The following TRIM5 variants were observed in gnomAD, a reference collection of about 807,000 sequenced individuals.
TRIM5 encodes the protein tripartite motif-containing protein 5.
A neutral mutation model predicts 35.6 loss-of-function variants in TRIM5; 31 were observed. The observed-to-expected ratio is 0.87, with a 90% CI of 0.65 to 1.18. TRIM5 has a LOEUF of 1.18. TRIM5 is among the 50% of genes most tolerant of loss of function. The pLI, the probability that TRIM5 is intolerant of heterozygous loss-of-function variation, is 0.00. For missense variants in TRIM5, 609 were observed against 591.6 expected (o/e 1.03, Z -0.31); for synonymous variants, 243 against 215.6 (o/e 1.13, Z -1.11).
At chr11:5,596,768 A>T in the TRIM5 span, 6 of 1,399,106 alleles carry the variant, frequency 4.3e-6, no homozygotes, top group East Asian at 2.3e-5. Context: ...TGCGTGGTTG[A>T]GTTTAGATAA....
the TRIM5 span, among the ~76,000 whole-genome samples, chr11:5,633,372 T>C: frequency 6.6e-6 from 1 of 152,144 alleles, no homozygotes; most frequent in Admixed American, 6.6e-5. Context: ...CAGATGATCC[T>C]AGAGTACAGT....
the TRIM5 span, among the ~76,000 whole-genome samples, chr11:5,630,544 A>T: frequency 6.6e-6 from 1 of 152,168 alleles, no homozygotes; most frequent in Non-Finnish European, 1.5e-5. Flanking sequence ...AAAACTTTCG[A>T]ACATGTTATG....
chr11:5,640,371 T>C, the TRIM5 span, among the ~76,000 whole-genome samples: 1 of 152,186 alleles, frequency 6.6e-6, no homozygotes, highest in Non-Finnish European at 1.5e-5. Context: ...GAATGCTTTT[T>C]TTCATGTCTA....
chr11:5,637,004 G>A, the TRIM5 span, among the ~76,000 whole-genome samples: 1 of 151,972 alleles, frequency 6.6e-6, no homozygotes, highest in Non-Finnish European at 1.5e-5. Flanking sequence ...AAATTAGCCG[G>A]GCATTTTATA....
At chr11:5,603,199 CCCT>C in the TRIM5 span, 1 of 1,578,298 alleles carries the variant, frequency 6.3e-7, no homozygotes, top group African/African-American at 1.3e-5. Flanking sequence ...CCCTTATTCT[CCCT>C]CCTTTCTTAC....
the TRIM5 span, among the ~76,000 whole-genome samples, chr11:5,614,025 T>C: frequency 6.6e-5 from 10 of 152,178 alleles, no homozygotes; most frequent in Non-Finnish European, 1.3e-4. Context: ...CTGGGGAAGG[T>C]TGCTCAATCT....
chr11:5,595,740 G>A, the TRIM5 span, among the ~76,000 whole-genome samples: 1 of 148,160 alleles, frequency 6.7e-6, no homozygotes, highest in African/African-American at 2.5e-5. Flanking sequence ...TTTTTTGAGA[G>A]AGAGTCTCGC....
the TRIM5 span, chr11:5,605,052 G>A: frequency 2.0e-6 from 1 of 498,084 alleles, no homozygotes; most frequent in Non-Finnish European, 3.6e-6. Context: ...GGAGGCTGAT[G>A]CAGAGGTGAG....
chr11:5,662,251 G>C (rs56711687), downstream of TRIM5, among the ~76,000 whole-genome samples: 3 of 152,194 alleles, frequency 2.0e-5, no homozygotes, highest in African/African-American at 7.2e-5. Flanking sequence ...GAGACTATTT[G>C]ATGAGGTAGA....
chr11:5,603,565 G>A, the TRIM5 span: 1 of 1,614,056 alleles, frequency 6.2e-7, no homozygotes, highest in Non-Finnish European at 8.5e-7. Context: ...CAGAGAGGTA[G>A]TGTTGGGCCC....
chr11:5,643,259 G>A, the TRIM5 span: 12 of 1,613,874 alleles, frequency 7.4e-6, no homozygotes, highest in Non-Finnish European at 9.3e-6. Context: ...ATGGTGTCTT[G>A]GGATCCCAAT....
chr11:5,620,395 TCTCGAATTCCTTGGCCAGACTGGA>T, the TRIM5 span, among the ~76,000 whole-genome samples: 2 of 151,464 alleles, frequency 1.3e-5, no homozygotes, highest in African/African-American at 4.9e-5. Flanking sequence ...GCCAGATTGG[TCTCGAATTCCTTGGCCAGACTGGA>T]CTCTAACTCC....
the TRIM5 span, among the ~76,000 whole-genome samples, chr11:5,654,850 A>G: frequency 0.014 from 2,148 of 152,218 alleles, 14 homozygotes; most frequent in Middle Eastern, 0.024. Context: ...AAAATAGCAG[A>G]ATTTCATTAT....
chr11:5,682,571 C>T (rs1474817932), intron 1 of TRIM5, among the ~76,000 whole-genome samples: 1 of 152,134 alleles, frequency 6.6e-6, no homozygotes, highest in African/African-American at 2.4e-5. Flanking sequence ...GCCAGACTGC[C>T]CAGCATGGTC....
At chr11:5,597,437 AT>A in the TRIM5 span, among the ~76,000 whole-genome samples, 3 of 152,180 alleles carry the variant, frequency 2.0e-5, no homozygotes, top group Non-Finnish European at 4.4e-5. Flanking sequence ...TGGAAATTAA[AT>A]TTTTTGTTTT....
In TRIM5 at chr11:5,680,009, C is replaced by T. The variant is rs745784877; in HGVS notation, c.169G>A (p.Val57Met). The T allele has an allele frequency of 2.5e-6, 4 of 1,614,132 alleles. No individual in the cohort carries two copies. Among genetic ancestry groups the T allele is most frequent in the South Asian group, 2.2e-5 (2 of 91,076 alleles). The change falls in exon 2 of 8, where the codon GTG becomes ATG. Residue 57 changes from valine to methionine, a missense_variant. Transcript: ENST00000380034. ...TCAGGCTGGTAACTGATCCGGCACA[C>T]AGGGCAGCTACTCTCTCCTTTGTCT... Reference protein sequence around the residue: ...MLDKGESSCPVCRISYQPENI... With the variant: ...MLDKGESSCPMCRISYQPENI...
chr11:5,638,971 C>T, the TRIM5 span, among the ~76,000 whole-genome samples: 1 of 152,112 alleles, frequency 6.6e-6, no homozygotes, highest in African/African-American at 2.4e-5. Context: ...AGTGCACCTA[C>T]ATGCAGGAGT....
At chr11:5,669,488 C>G (rs1453265822) in intron 4 of TRIM5, among the ~76,000 whole-genome samples, 1 of 152,152 alleles carries the variant, frequency 6.6e-6, no homozygotes, top group Admixed American at 6.5e-5. Context: ...TCCTTTATGC[C>G]AGACACAATT....
chr11:5,622,996 T>C, the TRIM5 span, among the ~76,000 whole-genome samples: 4 of 151,794 alleles, frequency 2.6e-5, no homozygotes, highest in Non-Finnish European at 5.9e-5. Context: ...TTCCAGGTCA[T>C]AGGTAGATAA....
Sources: gnomAD v4.1 joint callset for allele counts (sites outside exome capture counted in the v4.1 genomes callset) on GRCh38, gnomAD v4.1.1 for gene constraint, MANE v1.5 for transcripts, NCBI Gene and HGNC (gene_info 2026-07-23, HGNC 2026-07-21) for gene names.